FCHO2: variants seen among roughly 807,000 people sequenced by gnomAD.
The protein encoded by FCHO2 is F-BAR domain only protein 2.
Under a neutral mutation model 114.1 loss-of-function variants are expected in FCHO2, and 43 were observed. The observed-to-expected ratio is 0.38, with a 90% confidence interval of 0.30 to 0.49. The LOEUF is 0.49. Among genes scored for constraint, FCHO2 ranks in the 20% least tolerant of loss-of-function variants. The probability of loss-of-function intolerance (pLI) is 0.97; values close to 1 mark genes in which losing one functional copy is unlikely to be tolerated. For missense variants in FCHO2, 807 were observed against 950.4 expected (o/e 0.85, Z 1.98); for synonymous variants, 293 against 315.2 (o/e 0.93, Z 0.75).
intron 24 of FCHO2, 56 bp from the exon 25 acceptor site, chr5:73,087,528 GATTCT>G: frequency 6.4e-7 from 1 of 1,566,830 alleles, no homozygotes; most frequent in Non-Finnish European, 8.7e-7. Context: ...TTGCTCATTT[GATTCT>G]ATTTTGTTTG....
At chr5:72,971,457 G>A (rs1227472770) in intron 2 of FCHO2, among the ~76,000 whole-genome samples, 1 of 152,198 alleles carries the variant, frequency 6.6e-6, no homozygotes, top group African/African-American at 2.4e-5. Context: ...GCCAGCGATG[G>A]TGAGCATTTT....
At chr5:72,974,297 G>T (rs1174577479) in intron 2 of FCHO2, among the ~76,000 whole-genome samples, 5 of 135,600 alleles carry the variant, frequency 3.7e-5, no homozygotes, top group African/African-American at 1.4e-4. Flanking sequence ...AATGTTGACA[G>T]TGGGGTGTTA....
intron 13 of FCHO2, 159 bp downstream of exon 13, chr5:73,052,666 T>A: frequency 3.2e-6 from 2 of 621,388 alleles, no homozygotes; most frequent in Non-Finnish European, 5.2e-6. Context: ...GAATTTGGCT[T>A]AATTTTGCTT....
At chr5:73,061,259 G>A (rs10942539) in intron 17 of FCHO2, among the ~76,000 whole-genome samples, 45,230 of 151,712 alleles carry the variant, frequency 0.3, 6,969 homozygotes, top group East Asian at 0.44. Context: ...CTCTGACTTT[G>A]TATAATTTTG....
At chr5:72,958,616 T>G (rs1228972446) in intron 1 of FCHO2, among the ~76,000 whole-genome samples, 1 of 152,234 alleles carries the variant, frequency 6.6e-6, no homozygotes, top group African/African-American at 2.4e-5. Flanking sequence ...AAATTTGGAA[T>G]CAGGAAGTAT....
At position 73,045,656 on chromosome 5, in the gene FCHO2, C is replaced by T. The variant is rs114311634; in HGVS notation, c.939+4341C>T. Reference sequence around the variant, plus strand: ...ACTTTATCTAACATAAAGACAGCCTCTTTTCCCCTTTGTTATTATTCATGT... The same window carrying T: ...ACTTTATCTAACATAAAGACAGCCTTTTTTCCCCTTTGTTATTATTCATGT... On this transcript the variant is annotated intron_variant, in intron 11 of 25. Coordinates refer to ENST00000430046, the MANE Select transcript of FCHO2 (RefSeq NM_138782.3). 3.6e-3 allele frequency among the ~76,000 whole-genome samples: 542 copies of T among 152,296 alleles called. 5 individuals carry two copies. The highest frequency in any genetic ancestry group is 0.013 in the African/African-American group (527 of 41,568).
chr5:73,077,346 T>C lies in FCHO2; in HGVS notation c.1700T>C (p.Val567Ala). Residue 567 changes from valine to alanine, a missense_variant, in exon 21 of 26, where the codon GTG becomes GCG. Coordinates refer to ENST00000430046, the MANE Select transcript of FCHO2 (RefSeq NM_138782.3). ...FKGADPTKCI[V>A]KITGDMTMSF... ...CAAAATCCCTGTTTTAGGTGTATTGTGAAGATCACTGGTGATATGACAATG... is the reference window on the plus strand; with the variant it reads ...CAAAATCCCTGTTTTAGGTGTATTGCGAAGATCACTGGTGATATGACAATG... 6.3e-7 allele frequency: 1 copy of C among 1,577,090 alleles called. No homozygotes were observed. Among genetic ancestry groups the C allele is most frequent in the Non-Finnish European group, 8.6e-7 (1 of 1,159,762 alleles).
chr5:73,074,876 T>C, intron 20 of FCHO2, 23 bp downstream of exon 20: 1 of 1,542,830 alleles, frequency 6.5e-7, no homozygotes, highest in South Asian at 1.2e-5. Context: ...AATATATGCA[T>C]GTATGTGTAT....
chr5:72,996,950 C>T (rs748524233), intron 5 of FCHO2: 37 of 1,605,686 alleles, frequency 2.3e-5, no homozygotes, highest in Non-Finnish European at 2.8e-5. Context: ...GCTGGGGCTG[C>T]GCACGTTCGT....
intron 21 of FCHO2, 81 bp from the exon 22 acceptor site, chr5:73,078,099 C>T (rs889585778): frequency 9.0e-7 from 1 of 1,114,918 alleles, no homozygotes; most frequent in Admixed American, 3.4e-5. Flanking sequence ...ACTAGTTTTT[C>T]CTGTGTCACC....
chr5:73,015,138 A>G (rs1024936756), intron 6 of FCHO2, among the ~76,000 whole-genome samples: 37 of 151,954 alleles, frequency 2.4e-4, no homozygotes, highest in African/African-American at 8.9e-4. Context: ...CTAAGAAATG[A>G]CATAACAAAA....
intron 1 of FCHO2, among the ~76,000 whole-genome samples, chr5:72,961,244 G>T (rs1383475796): frequency 6.6e-6 from 1 of 151,952 alleles, no homozygotes; most frequent in South Asian, 2.1e-4. Flanking sequence ...TCTAAACTTA[G>T]TATCCTAGAT....
chr5:73,078,446 C>T (rs1211285076), intron 22 of FCHO2, 134 bp downstream of exon 22: 1 of 846,660 alleles, frequency 1.2e-6, no homozygotes, highest in Non-Finnish European at 1.8e-6. Context: ...ATTAGAAAAT[C>T]TGTTTATAAG....
At chr5:73,052,212 C>T (rs748607455) in intron 12 of FCHO2, 120 bp from the exon 13 acceptor site, 49 of 1,008,886 alleles carry the variant, frequency 4.9e-5, no homozygotes, top group Admixed American at 1.1e-4. Context: ...CGTGAGCCGT[C>T]GCACCCGGCC....
intron 17 of FCHO2, 23 bp downstream of exon 17, chr5:73,058,547 G>A: frequency 2.1e-6 from 2 of 936,740 alleles, no homozygotes; most frequent in Non-Finnish European, 3.0e-6. Flanking sequence ...ATGTATATAT[G>A]TATTTTTTTA....
chr5:72,985,068 TA>T (rs1451045251), intron 2 of FCHO2, among the ~76,000 whole-genome samples: 1 of 152,228 alleles, frequency 6.6e-6, no homozygotes, highest in Non-Finnish European at 1.5e-5. Flanking sequence ...TGGAATATGC[TA>T]ATTGCATATG....
At chr5:72,986,305 A>G (rs902397636) in intron 2 of FCHO2, among the ~76,000 whole-genome samples, 6 of 152,016 alleles carry the variant, frequency 3.9e-5, no homozygotes, top group Admixed American at 2.0e-4. Context: ...CCAGATCTCT[A>G]ATGAAATTCT....
At chr5:73,024,564 G>A (rs1304516771) in intron 8 of FCHO2, among the ~76,000 whole-genome samples, 3 of 151,758 alleles carry the variant, frequency 2.0e-5, no homozygotes, top group Admixed American at 1.3e-4. Flanking sequence ...TCAGCCTCCC[G>A]AGTAGCTGGG....
chr5:73,070,809 G>A (rs759656333), intron 19 of FCHO2, among the ~76,000 whole-genome samples: 16 of 151,964 alleles, frequency 1.1e-4, no homozygotes, highest in Non-Finnish European at 1.6e-4. Context: ...ATTTTTCAAC[G>A]CTGTGTGGAT....
Sources: gnomAD v4.1 joint callset for allele counts (sites outside exome capture counted in the v4.1 genomes callset) on GRCh38, gnomAD v4.1.1 for gene constraint, MANE v1.5 for transcripts, NCBI Gene and HGNC (gene_info 2026-07-23, HGNC 2026-07-21) for gene names.